Variants in MTF2 observed in about 807,000 individuals in gnomAD.
MTF2 encodes the protein metal-response element-binding transcription factor 2.
Under a neutral mutation model 79.5 loss-of-function variants are expected in MTF2, and 11 were observed. The observed-to-expected ratio is 0.14, with a 90% CI of 0.09 to 0.23. The LOEUF (loss-of-function observed/expected upper bound fraction) is 0.23. MTF2 is among the 10% of genes least tolerant of loss of function. MTF2 has a pLI of 1.00. For synonymous variants in MTF2, 208 were observed against 232.8 expected, an observed-to-expected ratio of 0.89 and a Z score of 0.97; for missense variants, 486 against 711.2, an observed-to-expected ratio of 0.68 and a Z score of 3.60.
intron 3 of MTF2, among the ~76,000 whole-genome samples, chr1:93,111,578 A>G (rs1227532284): frequency 1.3e-5 from 2 of 152,182 alleles, no homozygotes; most frequent in African/African-American, 4.8e-5. Context: ...TCTAATTACC[A>G]TCTGTATAGT....
intron 1 of MTF2, among the ~76,000 whole-genome samples, chr1:93,107,515 C>T (rs938429407): frequency 1.3e-5 from 2 of 152,260 alleles, no homozygotes; most frequent in Non-Finnish European, 1.5e-5. Flanking sequence ...CATGAGCCAC[C>T]GTGCTGGCCA....
rs555407802 is a variant in MTF2 at position 93,129,753 on chromosome 1, C to G, written c.1160+305C>G. Among the ~76,000 whole-genome samples the G allele has an allele frequency of 2.1e-4, 32 of 152,168 alleles. 1 individual carries two copies. The highest frequency in any genetic ancestry group is 1.0e-3 in the South Asian group (5 of 4,826). On this transcript the variant is annotated intron_variant, in intron 11 of 14. Transcript: ENST00000370298. The stretch of plus-strand genomic sequence containing the variant: ...TCATTGATTGATTGATTGATTGATT[C>G]ATTCATTCAGCACAGTTTTCAAGTG...
chr1:93,102,780 A>C (rs1463824684), intron 1 of MTF2, among the ~76,000 whole-genome samples: 1 of 152,110 alleles, frequency 6.6e-6, no homozygotes, highest in Non-Finnish European at 1.5e-5. Context: ...TATGATATTT[A>C]AAAATACACA....
chr1:93,103,516 TTTA>T (rs1294888619), intron 1 of MTF2, among the ~76,000 whole-genome samples: 1 of 151,718 alleles, frequency 6.6e-6, no homozygotes, highest in Non-Finnish European at 1.5e-5. Context: ...TGTCCTATAT[TTTA>T]TTAAAAACAT....
At chr1:93,083,998 T>C (rs1422820107) in intron 1 of MTF2, among the ~76,000 whole-genome samples, 2 of 152,236 alleles carry the variant, frequency 1.3e-5, no homozygotes, top group African/African-American at 4.8e-5. Context: ...GTGCATTATC[T>C]TTTCACTTTC....
rs187444831 is a variant in MTF2 at position 93,119,722 on chromosome 1, A to G, written c.797+321A>G. 2.5e-3 allele frequency: 491 copies of G among 193,188 alleles called. 2 individuals carry two copies. The highest frequency in any genetic ancestry group is 5.8e-3 in the Middle Eastern group (3 of 518). 12.0% of individuals were successfully genotyped at this position (193,188 alleles called of 1,614,324 possible). A position where few individuals can be genotyped will look rare whatever the true frequency, so the allele number is the denominator to read the frequency against. On this transcript the variant is annotated intron_variant, in intron 8 of 14. Transcript: ENST00000370298. ...TAGAAGAGAGATAGGTATAACAAAT[A>G]TGCTAATTTCTGCTTCAATGTAGTA...
intron 1 of MTF2, among the ~76,000 whole-genome samples, chr1:93,093,855 G>A (rs1042785212): frequency 6.6e-6 from 1 of 152,104 alleles, no homozygotes; most frequent in Non-Finnish European, 1.5e-5. Context: ...CTACAGGAGT[G>A]TGCCACTGTA....
chr1:93,119,634 T>C (rs758021496), intron 8 of MTF2: 27 of 417,702 alleles, frequency 6.5e-5, no homozygotes, highest in Non-Finnish European at 1.1e-4. Context: ...CTTTCAGATA[T>C]CCTTTAGACC....
intron 9 of MTF2, chr1:93,121,105 A>T: frequency 4.1e-6 from 4 of 980,584 alleles, no homozygotes; most frequent in Non-Finnish European, 4.8e-6. Context: ...GAATGGTGGG[A>T]TCTAATAATA....
rs1234060303 is a variant in MTF2 at position 93,137,028 on chromosome 1, C to T, written c.*1C>T. The T allele has an allele frequency of 4.3e-6, 7 of 1,610,502 alleles. No individual in the cohort carries two copies. In the African/African-American group the frequency reaches 9.4e-5, roughly 22 times the overall value. ...ATGGGAAGGAGCAACTGCATCCTGA[C>T]TGTAGGACTGAACATTATGTTCACT... On this transcript the variant is annotated 3_prime_UTR_variant, in exon 15 of 15. Coordinates refer to ENST00000370298, the MANE Select transcript of MTF2 (RefSeq NM_007358.4).
At chr1:93,090,952 C>T (rs897235887) in intron 1 of MTF2, among the ~76,000 whole-genome samples, 2 of 152,068 alleles carry the variant, frequency 1.3e-5, no homozygotes, top group African/African-American at 2.4e-5. Context: ...CGTGAGCCAC[C>T]GCACCCAGCC....
intron 9 of MTF2, 66 bp from the exon 10 acceptor site, chr1:93,127,166 C>T: frequency 9.0e-7 from 1 of 1,109,784 alleles, no homozygotes; most frequent in Non-Finnish European, 1.4e-6. Flanking sequence ...TTGCCTCTAT[C>T]TAGCACCTGT....
At position 93,115,583 on chromosome 1, in the gene MTF2, C is replaced by A; in HGVS notation, c.597C>A (p.Val199=). 6.2e-7 allele frequency: 1 copy of A among 1,610,490 alleles called. No homozygotes were observed. The highest frequency in any genetic ancestry group is 1.3e-5 in the African/African-American group (1 of 74,952). ...GGGATGCAGGTCATAAAACCAATGT[C>A]CAGCAGTGTTACTGCTATTGTGGAG... ...LEWDAGHKTN[V]QQCYCYCGGP... The change falls in exon 6 of 15, where the codon GTC becomes GTA. Residue 199 remains valine (V), a synonymous_variant. Transcript: ENST00000370298.
chr1:93,088,038 T>C (rs1654920279), intron 1 of MTF2, among the ~76,000 whole-genome samples: 1 of 152,234 alleles, frequency 6.6e-6, no homozygotes, highest in Admixed American at 6.5e-5. Context: ...TTCATACTTT[T>C]GTTTATAGTA....
intron 1 of MTF2, among the ~76,000 whole-genome samples, chr1:93,106,077 T>C (rs1655770004): frequency 6.6e-6 from 1 of 151,914 alleles, no homozygotes; most frequent in African/African-American, 2.4e-5. Context: ...GAGGAGGTGG[T>C]GGGAAGGGGG....
intron 10 of MTF2, among the ~76,000 whole-genome samples, chr1:93,127,973 G>C (rs1376808413): frequency 6.6e-6 from 1 of 151,906 alleles, no homozygotes; most frequent in African/African-American, 2.4e-5. Flanking sequence ...ATTTTTGTTG[G>C]CAATAAGTTG....
intron 1 of MTF2, among the ~76,000 whole-genome samples, chr1:93,095,655 CTTT>C (rs111973268): frequency 4.2e-5 from 5 of 118,724 alleles, no homozygotes; most frequent in Non-Finnish European, 3.5e-5. Flanking sequence ...TTTCTCTGTT[CTTT>C]TTTTTTTTTT....
chr1:93,136,650 T>C lies in MTF2; in HGVS notation c.1425-20T>C, dbSNP rs745482295. On this transcript the variant is annotated intron_variant, in intron 14 of 14. Coordinates refer to ENST00000370298, the MANE Select transcript of MTF2 (RefSeq NM_007358.4). ...GCTAAAAAAGCTCAGTAGACAATTC[T>C]GGCCTTCTCTGTTACATAGATTATC... The C allele has an allele frequency of 4.4e-6, 7 of 1,594,956 alleles. No homozygotes were observed. Among genetic ancestry groups the C allele is most frequent in the Non-Finnish European group, 6.0e-6 (7 of 1,169,554 alleles).
At chr1:93,102,251 C>T (rs1032691711) in intron 1 of MTF2, among the ~76,000 whole-genome samples, 9 of 152,202 alleles carry the variant, frequency 5.9e-5, no homozygotes, top group South Asian at 2.1e-4. Context: ...CAGTGATTAA[C>T]ATTTCATTTA....
Sources: allele counts gnomAD v4.1 joint callset (sites outside exome capture counted in the v4.1 genomes callset), GRCh38; gene constraint gnomAD v4.1.1; transcripts MANE v1.5; gene names NCBI Gene and HGNC (gene_info 2026-07-23, HGNC 2026-07-21).